Variants in GALK2 observed in about 807,000 individuals in gnomAD.
The protein encoded by GALK2 is N-acetylgalactosamine kinase.
A neutral mutation model predicts 52.4 loss-of-function variants in GALK2; 36 were observed. The ratio of observed to expected loss-of-function variants is 0.69; its 90% CI spans 0.53 to 0.91. The LOEUF (loss-of-function observed/expected upper bound fraction) is 0.91, where lower values mean the gene tolerates loss of function less well. Ranked by LOEUF, GALK2 falls within the 40% of genes least tolerant of loss-of-function variation. The pLI is 0.00. For synonymous variants in GALK2, 176 were observed against 199.1 expected (o/e 0.88, Z 0.98); for missense variants, 579 against 559.1 (o/e 1.04, Z -0.36).
intron 2 of GALK2, 83 bp from the exon 3 acceptor site, chr15:49,217,107 G>A: frequency 7.8e-7 from 1 of 1,281,748 alleles, no homozygotes; most frequent in Non-Finnish European, 1.1e-6. Flanking sequence ...CTCATGGTCA[G>A]TTTTTTCCTG....
At chr15:49,237,078 C>A (rs1455069771) in intron 4 of GALK2, among the ~76,000 whole-genome samples, 1 of 152,124 alleles carries the variant, frequency 6.6e-6, no homozygotes, top group Non-Finnish European at 1.5e-5. Flanking sequence ...GAAGCATTTG[C>A]CTGGCAAATG....
chr15:49,231,912 T>C (rs1389377877), intron 3 of GALK2, among the ~76,000 whole-genome samples: 1 of 152,232 alleles, frequency 6.6e-6, no homozygotes, highest in Non-Finnish European at 1.5e-5. Flanking sequence ...CTAGTGTTCA[T>C]GCACCTGCGG....
chr15:49,232,823 A>T (rs2141465958), intron 3 of GALK2, among the ~76,000 whole-genome samples: 1 of 152,236 alleles, frequency 6.6e-6, no homozygotes, highest in Non-Finnish European at 1.5e-5. Context: ...AGTTCCCAAG[A>T]AGTTCCTCAT....
chr15:49,264,926 C>G (rs1050589173), intron 5 of GALK2, among the ~76,000 whole-genome samples: 1 of 152,166 alleles, frequency 6.6e-6, no homozygotes, highest in African/African-American at 2.4e-5. Context: ...CTGATCGTTC[C>G]TCTGGTAGTT....
At chr15:49,200,257 G>T (rs2087623603) in intron 1 of GALK2, among the ~76,000 whole-genome samples, 1 of 152,148 alleles carries the variant, frequency 6.6e-6, no homozygotes, top group African/African-American at 2.4e-5. Flanking sequence ...GAGGCCAAGA[G>T]AAAATGATTT....
intron 8 of GALK2, among the ~76,000 whole-genome samples, chr15:49,299,963 A>T (rs1336959593): frequency 6.6e-6 from 1 of 151,636 alleles, no homozygotes; most frequent in Non-Finnish European, 1.5e-5. Flanking sequence ...TGTTAGGTCC[A>T]TTTGGTCAAG....
In GALK2 at chr15:49,330,972, C is replaced by A. The variant is rs2038608909; in HGVS notation, c.*2813C>A. Reference sequence around the variant, plus strand: ...TGAGACCCTGTTTCAACAACAACAACAAAAATGAATAGTCCTGTTTGCTTA... The same window carrying A: ...TGAGACCCTGTTTCAACAACAACAAAAAAAATGAATAGTCCTGTTTGCTTA... On this transcript the variant is annotated 3_prime_UTR_variant, in exon 10 of 10. Transcript: ENST00000560031. 1 of 152,160 alleles carries A rather than the reference C, an allele frequency of 6.6e-6. No homozygotes were observed. The highest frequency in any genetic ancestry group is 2.4e-5 in the African/African-American group (1 of 41,410). 9.4% of individuals were successfully genotyped at this position (152,160 alleles called of 1,614,324 possible).
At chr15:49,192,504 T>TATATATATAC (rs2086835236) in intron 1 of GALK2, among the ~76,000 whole-genome samples, 4 of 136,168 alleles carry the variant, frequency 2.9e-5, no homozygotes, top group Non-Finnish European at 6.3e-5. Context: ...TATATATATA[T>TATATATATAC]ATATATATAT....
intron 8 of GALK2, among the ~76,000 whole-genome samples, chr15:49,305,594 T>C (rs916357592): frequency 1.3e-5 from 2 of 152,208 alleles, no homozygotes; most frequent in East Asian, 1.9e-4. Context: ...AGTCTTTTAA[T>C]GAGAAGTTAT....
At chr15:49,237,721 C>A (rs1426882516) in intron 4 of GALK2, among the ~76,000 whole-genome samples, 1 of 152,078 alleles carries the variant, frequency 6.6e-6, no homozygotes, top group African/African-American at 2.4e-5. Flanking sequence ...GTGACCCACC[C>A]GCCTCGGCCT....
intron 3 of GALK2, among the ~76,000 whole-genome samples, chr15:49,360,113 T>G: frequency 7.2e-6 from 1 of 139,546 alleles, no homozygotes. Flanking sequence ...GGGGGAGGGA[T>G]AGCATCAGGA....
At chr15:49,360,581 A>G (rs1425576163) in intron 3 of GALK2, among the ~76,000 whole-genome samples, 4 of 152,114 alleles carry the variant, frequency 2.6e-5, no homozygotes, top group African/African-American at 7.2e-5. Flanking sequence ...TAGACAAAGT[A>G]TGAAGGGAGA....
intron 1 of GALK2, among the ~76,000 whole-genome samples, chr15:49,180,453 T>G (rs1449041574): frequency 6.6e-6 from 1 of 152,222 alleles, no homozygotes; most frequent in Non-Finnish European, 1.5e-5. Flanking sequence ...TTGAAGTACT[T>G]TCAGCATTTC....
rs921967274 is a variant in GALK2 at position 49,253,773 on chromosome 15, T to C, written c.504+14406T>C. ...GACTTTATGTTATATCAAAGAGATA[T>C]GGAAGATTTCACTTTTATAGTATAT... On this transcript the variant is annotated intron_variant, in intron 5 of 9. Coordinates refer to ENST00000560031, the MANE Select transcript of GALK2 (RefSeq NM_002044.4). Among the ~76,000 whole-genome samples the C allele has an allele frequency of 3.5e-5, 5 of 144,176 alleles. 1 individual carries two copies. In the Admixed American group the frequency reaches 3.5e-4, roughly 10 times the overall value. The allele number at this position is 144,176 out of a possible 152,430, so 94.6% of individuals were successfully genotyped here. A position where few individuals can be genotyped will look rare whatever the true frequency, so the allele number is the denominator to read the frequency against.
At chr15:49,212,974 G>A (rs1009073872) in intron 2 of GALK2, among the ~76,000 whole-genome samples, 1 of 152,086 alleles carries the variant, frequency 6.6e-6, no homozygotes, top group Non-Finnish European at 1.5e-5. Flanking sequence ...TGTATTCTGG[G>A]GCTGTTGGAT....
chr15:49,178,670 C>T lies in GALK2; in HGVS notation c.53+8295C>T, dbSNP rs1315084492. ...GCTGTCAGTACTGCTAGCAGGGACTCTCCGAAGAAAGTGCATGGTATCAGA... is the reference window on the plus strand; with the variant it reads ...GCTGTCAGTACTGCTAGCAGGGACTTTCCGAAGAAAGTGCATGGTATCAGA... On this transcript the variant is annotated intron_variant, in intron 1 of 9. Coordinates refer to ENST00000560031, the MANE Select transcript of GALK2 (RefSeq NM_002044.4). The T allele has an allele frequency of 2.3e-5, 5 of 219,898 alleles. No individual in the cohort carries two copies. In the South Asian group the frequency reaches 3.9e-4, roughly 17 times the overall value. 13.6% of individuals were successfully genotyped at this position (219,898 alleles called of 1,614,324 possible).
intron 5 of GALK2, among the ~76,000 whole-genome samples, chr15:49,242,751 T>C (rs2091160202): frequency 6.6e-6 from 1 of 152,148 alleles, no homozygotes; most frequent in Non-Finnish European, 1.5e-5. Context: ...ATGTTACTGG[T>C]ACAAGAGAGT....
chr15:49,285,886 T>C (rs533717675), intron 7 of GALK2, among the ~76,000 whole-genome samples: 2 of 152,298 alleles, frequency 1.3e-5, no homozygotes, highest in East Asian at 3.9e-4. Flanking sequence ...AAAAGGTCCA[T>C]ATCACGACCT....
upstream of GALK2, chr15:49,169,159 A>G (rs532833148): frequency 6.6e-6 from 1 of 152,302 alleles, no homozygotes; most frequent in Admixed American, 6.6e-5. Flanking sequence ...GTATGCATAT[A>G]CATATAGAAA....
Sources: allele counts gnomAD v4.1 joint callset (sites outside exome capture counted in the v4.1 genomes callset), GRCh38; gene constraint gnomAD v4.1.1; transcripts MANE v1.5; gene names NCBI Gene and HGNC (gene_info 2026-07-23, HGNC 2026-07-21).